The following SPAG16 variants were observed in gnomAD, a reference collection of about 807,000 sequenced individuals.
The protein encoded by SPAG16 is sperm associated antigen 16.
SPAG16 carries 86 observed loss-of-function variants against 80.4 expected under a neutral mutation model. The ratio of observed to expected loss-of-function variants is 1.07; its 90% confidence interval spans 0.90 to 1.28. SPAG16 has a LOEUF of 1.28. SPAG16 is among the 50% of genes most tolerant of loss of function. The pLI is 0.00. For synonymous variants in SPAG16, 294 were observed against 265.9 expected, an observed-to-expected ratio of 1.11 and a Z score of -1.03; for missense variants, 870 against 765.3, an observed-to-expected ratio of 1.14 and a Z score of -1.61.
intron 15 of SPAG16, among the ~76,000 whole-genome samples, chr2:214,308,377 G>C (rs1695067054): frequency 6.6e-6 from 1 of 152,108 alleles, no homozygotes; most frequent in African/African-American, 2.4e-5. Context: ...AGGGCATTTA[G>C]TCCATTTACA....
chr2:214,032,461 A>G (rs1031309042), intron 13 of SPAG16, among the ~76,000 whole-genome samples: 1 of 152,218 alleles, frequency 6.6e-6, no homozygotes, highest in Admixed American at 6.5e-5. Context: ...CAGAATGCAT[A>G]ATAGGAAGCT....
intron 15 of SPAG16, among the ~76,000 whole-genome samples, chr2:214,365,979 G>GT (rs200531261): frequency 0.15 from 21,015 of 140,676 alleles, 1,603 homozygotes; most frequent in Middle Eastern, 0.19. Flanking sequence ...TATTTGCCAG[G>GT]TTTTTTTTTT....
intron 15 of SPAG16, among the ~76,000 whole-genome samples, chr2:214,151,360 A>G (rs151229983): frequency 2.0e-5 from 3 of 152,238 alleles, no homozygotes; most frequent in African/African-American, 7.2e-5. Context: ...GAGAGTAAAG[A>G]AGAGTGCAAA....
At chr2:213,896,199 C>T (rs556487893) in intron 11 of SPAG16, among the ~76,000 whole-genome samples, 13 of 152,004 alleles carry the variant, frequency 8.6e-5, no homozygotes, top group African/African-American at 2.7e-4. Context: ...GAAAAAAATA[C>T]TCATCACTAA....
chr2:213,525,289 T>C (rs556844750), intron 10 of SPAG16, among the ~76,000 whole-genome samples: 180 of 141,724 alleles, frequency 1.3e-3, no homozygotes, highest in Middle Eastern at 3.5e-3. Context: ...CTTTTCTTTT[T>C]TTTTTTTTTT....
At chr2:213,895,070 A>C (rs1035022769) in intron 11 of SPAG16, among the ~76,000 whole-genome samples, 2 of 151,588 alleles carry the variant, frequency 1.3e-5, no homozygotes, top group African/African-American at 4.9e-5. Flanking sequence ...AATTCAGTAA[A>C]GTTACAGGCC....
intron 10 of SPAG16, among the ~76,000 whole-genome samples, chr2:213,614,130 G>A (rs2061521704): frequency 6.6e-6 from 1 of 152,146 alleles, no homozygotes; most frequent in African/African-American, 2.4e-5. Flanking sequence ...ATTGTTGGCT[G>A]GGGTGTGTGT....
intron 9 of SPAG16, among the ~76,000 whole-genome samples, chr2:213,384,928 C>A (rs79208033): frequency 1.3e-5 from 2 of 152,128 alleles, no homozygotes; most frequent in Non-Finnish European, 2.9e-5. Context: ...TGTTCTTTTC[C>A]ATAATTGTGC....
chr2:214,072,294 AG>A (rs772784448), intron 13 of SPAG16, among the ~76,000 whole-genome samples: 1 of 152,162 alleles, frequency 6.6e-6, no homozygotes, highest in Admixed American at 6.5e-5. Flanking sequence ...TATCTAATTA[AG>A]GATATGAAGA....
intron 10 of SPAG16, among the ~76,000 whole-genome samples, chr2:213,765,306 T>C (rs1272649449): frequency 6.6e-6 from 1 of 151,334 alleles, no homozygotes; most frequent in Non-Finnish European, 1.5e-5. Flanking sequence ...GAGTCGGAGG[T>C]TGCAGTGAGC....
intron 10 of SPAG16, among the ~76,000 whole-genome samples, chr2:213,646,366 A>G (rs1384304214): frequency 1.3e-5 from 2 of 152,190 alleles, no homozygotes; most frequent in African/African-American, 4.8e-5. Context: ...TTTTTATTAT[A>G]TACAATGAAG....
chr2:214,400,833 T>C (rs1469813005), intron 15 of SPAG16, among the ~76,000 whole-genome samples: 1 of 152,024 alleles, frequency 6.6e-6, no homozygotes, highest in Non-Finnish European at 1.5e-5. Context: ...AAGGCTTCCC[T>C]TCCTTCTCTG....
At chr2:213,457,024 C>T (rs9288468) in intron 9 of SPAG16, among the ~76,000 whole-genome samples, 3,778 of 151,064 alleles carry the variant, frequency 0.025, 157 homozygotes, top group African/African-American at 0.086. Flanking sequence ...CCTAAATGTT[C>T]GCATTGCATT....
rs1466945525 is a variant in SPAG16 at position 213,989,416 on chromosome 2, G to A, written c.1401-24535G>A. Among the ~76,000 whole-genome samples, 10 of 152,142 alleles carry A rather than the reference G, an allele frequency of 6.6e-5. No homozygotes were observed. In the South Asian group the frequency reaches 1.0e-3, roughly 16 times the overall value. On this transcript the variant is annotated intron_variant, in intron 12 of 15. Coordinates refer to ENST00000331683, the MANE Select transcript of SPAG16 (RefSeq NM_024532.5). ...GCATTATATCTACATTTATGTCTACGTTTGCATTATCACATGGTGCGTTAT... is the reference window on the plus strand; with the variant it reads ...GCATTATATCTACATTTATGTCTACATTTGCATTATCACATGGTGCGTTAT...
In SPAG16 at chr2:213,284,582, G is replaced by T. The variant is rs773441080; in HGVS notation, c.99G>T (p.Ala33=). Residue 33 remains alanine (A), a synonymous_variant, in exon 1 of 16, where the codon GCG becomes GCT. Transcript: ENST00000331683. ...CAGCCGGGGACGCGAGGGACACGGC[G>T]GACGCGGTGGCGGCTGAGGGCGCCT... ...LTAAGDARDT[A]DAVAAEGAYY... 6.2e-7 allele frequency: 1 copy of T among 1,609,720 alleles called. No individual in the cohort carries two copies. The highest frequency in any genetic ancestry group is 8.5e-7 in the Non-Finnish European group (1 of 1,178,582).
At chr2:213,725,727 G>A (rs1054573597) in intron 10 of SPAG16, among the ~76,000 whole-genome samples, 9 of 152,236 alleles carry the variant, frequency 5.9e-5, no homozygotes, top group Admixed American at 6.5e-5. Context: ...TGACTTGAGT[G>A]TTTAAGAAGT....
At chr2:213,698,877 G>T (rs192868255) in intron 10 of SPAG16, among the ~76,000 whole-genome samples, 1 of 152,266 alleles carries the variant, frequency 6.6e-6, no homozygotes, top group Admixed American at 6.5e-5. Flanking sequence ...ACCTGAATGT[G>T]TAAAACAGTA....
At chr2:213,473,606 A>C (rs1575683623) in intron 9 of SPAG16, among the ~76,000 whole-genome samples, 3 of 152,110 alleles carry the variant, frequency 2.0e-5, no homozygotes, top group Admixed American at 6.6e-5. Flanking sequence ...CTTTTAATCC[A>C]TATTTCAGCT....
At chr2:213,300,901 T>C (rs1296346537) in intron 3 of SPAG16, among the ~76,000 whole-genome samples, 1 of 152,104 alleles carries the variant, frequency 6.6e-6, no homozygotes, top group Non-Finnish European at 1.5e-5. Context: ...TTTTCAAATA[T>C]GTTAAGAATT....
Sources: allele counts gnomAD v4.1 joint callset (sites outside exome capture counted in the v4.1 genomes callset), GRCh38; gene constraint gnomAD v4.1.1; transcripts MANE v1.5; gene names NCBI Gene and HGNC (gene_info 2026-07-23, HGNC 2026-07-21).